Variants in LIPG observed in about 807,000 individuals in gnomAD.
LIPG encodes the protein endothelial lipase.
A neutral mutation model predicts 51.8 loss-of-function variants in LIPG; 34 were observed. The ratio of observed to expected loss-of-function variants is 0.66; its 90% confidence interval spans 0.50 to 0.87. The LOEUF is 0.87. Among genes scored for constraint, LIPG ranks in the 40% least tolerant of loss-of-function variants. The pLI is 0.00. For missense variants in LIPG, 580 were observed against 652.7 expected, an observed-to-expected ratio of 0.89 and a Z score of 1.21; for synonymous variants, 246 against 246.1, an observed-to-expected ratio of 1.00 and a Z score of 0.00.
In LIPG at chr18:49,596,676, T is replaced by C. The variant is rs1270015842; in HGVS notation, c.*6154T>C. On this transcript the variant is annotated 3_prime_UTR_variant, in exon 10 of 10. Coordinates refer to ENST00000261292, the MANE Select transcript of LIPG (RefSeq NM_006033.4). ...AAAAAAAAGGCCACAGAAATGTCCATCCAGCAGGTGGACAATTACCCTTTT... is the reference window on the plus strand; with the variant it reads ...AAAAAAAAGGCCACAGAAATGTCCACCCAGCAGGTGGACAATTACCCTTTT... 7.0e-6 allele frequency: 1 copy of C among 142,104 alleles called. No homozygotes were observed. Among genetic ancestry groups the C allele is most frequent in the Non-Finnish European group, 1.5e-5 (1 of 65,334 alleles). The allele number at this position is 142,104 out of a possible 1,614,324, so 8.8% of individuals were successfully genotyped here. A position where few individuals can be genotyped will look rare whatever the true frequency, so the allele number is the denominator to read the frequency against.
chr18:49,582,724 G>A (rs1294200618), intron 7 of LIPG, among the ~76,000 whole-genome samples: 3 of 152,206 alleles, frequency 2.0e-5, no homozygotes, highest in Non-Finnish European at 4.4e-5. Flanking sequence ...ATCATGAGAA[G>A]CTGCTGGGTC....
At chr18:49,577,925 A>G (rs1361050503) in intron 5 of LIPG, among the ~76,000 whole-genome samples, 13 of 96,542 alleles carry the variant, frequency 1.3e-4, no homozygotes, top group Non-Finnish European at 2.6e-4. Flanking sequence ...GTGGGCGGGC[A>G]GAGGCGCCCC....
chr18:49,581,354 T>C lies in LIPG; in HGVS notation c.794-61T>C, dbSNP rs1230563299. 2.5e-6 allele frequency: 4 copies of C among 1,603,174 alleles called. No individual in the cohort carries two copies. In the African/African-American group the frequency reaches 4.0e-5, roughly 16 times the overall value. Reference sequence around the variant, plus strand: ...TGTTGAGGAGTACAGTATTTATTATTTGAGTGTCTAATCATCAAGAAGGGC... The same window carrying C: ...TGTTGAGGAGTACAGTATTTATTATCTGAGTGTCTAATCATCAAGAAGGGC... On this transcript the variant is annotated intron_variant, in intron 5 of 9. Transcript: ENST00000261292.
intron 5 of LIPG, among the ~76,000 whole-genome samples, chr18:49,579,453 T>G (rs1293089394): frequency 6.6e-6 from 1 of 151,928 alleles, no homozygotes; most frequent in Non-Finnish European, 1.5e-5. Context: ...TCTGAATGCT[T>G]GAGCTTATTC....
intron 5 of LIPG, among the ~76,000 whole-genome samples, chr18:49,577,806 A>C (rs1472371930): frequency 8.1e-5 from 7 of 86,056 alleles, no homozygotes; most frequent in Non-Finnish European, 6.9e-5. Flanking sequence ...TGACCCCCCC[A>C]CCTCCCTCCC....
chr18:49,563,441 T>C (rs1161375769), intron 1 of LIPG, among the ~76,000 whole-genome samples: 1 of 152,118 alleles, frequency 6.6e-6, no homozygotes, highest in Non-Finnish European at 1.5e-5. Context: ...AAGTATTTAC[T>C]GCATACCTAC....
intron 2 of LIPG, among the ~76,000 whole-genome samples, chr18:49,566,766 C>G (rs898641415): frequency 6.6e-6 from 1 of 152,140 alleles, no homozygotes; most frequent in African/African-American, 2.4e-5. Flanking sequence ...GGGCAACCCT[C>G]CCTAGCTGCC....
In LIPG at chr18:49,593,155, G is replaced by A. The variant is rs1317207020; in HGVS notation, c.*2633G>A. ...CATGTTGGCCAGGCTGGTCAGGCTGGGTTCGAACTCCTGGCCTCAAGTGAT... is the reference window on the plus strand; with the variant it reads ...CATGTTGGCCAGGCTGGTCAGGCTGAGTTCGAACTCCTGGCCTCAAGTGAT... On this transcript the variant is annotated 3_prime_UTR_variant, in exon 10 of 10. Coordinates refer to ENST00000261292, the MANE Select transcript of LIPG (RefSeq NM_006033.4). 2 of 151,816 alleles carry A rather than the reference G, an allele frequency of 1.3e-5. No individual in the cohort carries two copies. Among genetic ancestry groups the A allele is most frequent in the African/African-American group, 4.8e-5 (2 of 41,320 alleles). The allele number at this position is 151,816 out of a possible 1,614,324, so 9.4% of individuals were successfully genotyped here. A position where few individuals can be genotyped will look rare whatever the true frequency, so the allele number is the denominator to read the frequency against.
intron 5 of LIPG, among the ~76,000 whole-genome samples, chr18:49,579,801 T>C (rs558705852): frequency 6.8e-6 from 1 of 147,364 alleles, no homozygotes; most frequent in South Asian, 2.1e-4. Flanking sequence ...TTCTTTTCTT[T>C]TCTTTTCTTT....
At chr18:49,578,266 C>T (rs1217331945) in intron 5 of LIPG, among the ~76,000 whole-genome samples, 24 of 132,154 alleles carry the variant, frequency 1.8e-4, no homozygotes, top group African/African-American at 3.3e-4. Context: ...ACTTCTCAGA[C>T]GGGGTGGTTG....
chr18:49,586,692 A>G, intron 8 of LIPG, 54 bp from the exon 9 acceptor site: 1 of 1,303,628 alleles, frequency 7.7e-7, no homozygotes, highest in Non-Finnish European at 1.1e-6. Context: ...TAGAAAGCAC[A>G]GCTGGATTCC....
At chr18:49,590,372 A>T (rs565410515) in intron 9 of LIPG, 129 bp from the exon 10 acceptor site, 66 of 943,196 alleles carry the variant, frequency 7.0e-5, no homozygotes, top group Non-Finnish European at 8.9e-5. Context: ...AAAGGAATAC[A>T]TGTAAAATAG....
At chr18:49,561,956 C>A, upstream of LIPG, 1 of 1,366,686 alleles carries the variant, frequency 7.3e-7, no homozygotes, top group Non-Finnish European at 9.4e-7. Flanking sequence ...AAGGTGTGAC[C>A]AATCAGAGCC....
intron 8 of LIPG, among the ~76,000 whole-genome samples, chr18:49,586,114 T>A (rs1357194335): frequency 6.6e-6 from 1 of 152,178 alleles, no homozygotes; most frequent in Admixed American, 6.5e-5. Flanking sequence ...TGGAAATGGT[T>A]ATTAGGCCCT....
intron 4 of LIPG, 118 bp downstream of exon 4, chr18:49,569,666 C>A: frequency 2.3e-6 from 2 of 855,606 alleles, no homozygotes; most frequent in Non-Finnish European, 3.8e-6. Context: ...TGGAAAGCAT[C>A]TAATTCAAAA....
At position 49,599,047 on chromosome 18, in the gene LIPG, T is replaced by A. The variant is rs1470400175; in HGVS notation, c.*8525T>A. The A allele has an allele frequency of 3.3e-5, 5 of 152,376 alleles. No homozygotes were observed. The East Asian group carries it at 7.7e-4, about 23-fold the overall frequency. 9.4% of individuals were successfully genotyped at this position (152,376 alleles called of 1,614,324 possible). On this transcript the variant is annotated 3_prime_UTR_variant, in exon 10 of 10. Coordinates refer to ENST00000261292, the MANE Select transcript of LIPG (RefSeq NM_006033.4). ...TAAGTTGTTTCCAGTTTTGAGTTAT[T>A]AGAGTAATGCTACTATGAACATTTG... is the stretch of plus-strand genomic sequence containing the variant.
chr18:49,571,245 G>A (rs913552459), intron 4 of LIPG, among the ~76,000 whole-genome samples: 18 of 152,204 alleles, frequency 1.2e-4, no homozygotes, highest in African/African-American at 4.3e-4. Context: ...TGAGAGGTGT[G>A]ATGTTTCAGA....
At chr18:49,588,087 G>C (rs183855592) in intron 9 of LIPG, among the ~76,000 whole-genome samples, 1 of 151,874 alleles carries the variant, frequency 6.6e-6, no homozygotes, top group African/African-American at 2.4e-5. Flanking sequence ...ACTGTGCCTG[G>C]CCCCTGCCAT....
Position 49,591,655 on chromosome 18 carries a change from T to A in LIPG, c.*1133T>A, listed in dbSNP as rs2084945577. 6.6e-6 allele frequency: 1 copy of A among 152,250 alleles called. No homozygotes were observed. The highest frequency in any genetic ancestry group is 2.4e-5 in the African/African-American group (1 of 41,474). The allele number at this position is 152,250 out of a possible 1,614,324, so 9.4% of individuals were successfully genotyped here. A position where few individuals can be genotyped will look rare whatever the true frequency, so the allele number is the denominator to read the frequency against. On this transcript the variant is annotated 3_prime_UTR_variant, in exon 10 of 10. Transcript: ENST00000261292. ...TTACTTTAATACCAGTGCCTTTTCT[T>A]GTTGAACTTCTTGGAAAAGCCACCA...
Sources: allele counts gnomAD v4.1 joint callset (sites outside exome capture counted in the v4.1 genomes callset), GRCh38; gene constraint gnomAD v4.1.1; transcripts MANE v1.5; gene names NCBI Gene and HGNC (gene_info 2026-07-23, HGNC 2026-07-21).